The following CTNNA3 variants were observed in gnomAD, a reference collection of about 807,000 sequenced individuals.
CTNNA3 encodes the protein catenin alpha-3.
A neutral mutation model predicts 95.7 loss-of-function variants in CTNNA3; 76 were observed. That is an observed-to-expected ratio of 0.79 (90% confidence interval 0.66 to 0.96). CTNNA3 has a LOEUF of 0.96. CTNNA3 is among the 40% of genes least tolerant of loss of function. The pLI, the probability that CTNNA3 is intolerant of heterozygous loss-of-function variation, is 0.00. For synonymous variants in CTNNA3, 431 were observed against 374.4 expected (o/e 1.15, Z -1.74); for missense variants, 1,191 against 1,089.8 (o/e 1.09, Z -1.31).
intron 10 of CTNNA3, among the ~76,000 whole-genome samples, chr10:66,596,878 A>G (rs760102681): frequency 6.6e-6 from 1 of 152,132 alleles, no homozygotes; most frequent in Non-Finnish European, 1.5e-5. Flanking sequence ...ATTCAAAATA[A>G]TTGTTTTAAA....
In CTNNA3 at chr10:66,536,025, C is replaced by G. The variant is rs372825140; in HGVS notation, c.1375-15252G>C. The stretch of plus-strand genomic sequence containing the variant: ...AATCTATGTTGAGATACACAGATAT[C>G]AGAAACAAAATCTGGGGAAGAAAAA... On this transcript the variant is annotated intron_variant, in intron 10 of 17. Transcript: ENST00000433211. Among the ~76,000 whole-genome samples, 55 of 151,752 alleles carry G rather than the reference C, an allele frequency of 3.6e-4. 1 individual carries two copies. In the South Asian group the frequency reaches 0.011, roughly 31 times the overall value.
chr10:67,540,944 G>C (rs371039580), intron 3 of CTNNA3, among the ~76,000 whole-genome samples: 1 of 151,376 alleles, frequency 6.6e-6, no homozygotes, highest in Non-Finnish European at 1.5e-5. Context: ...ATTACTCTTC[G>C]TTTTCTTCTT....
chr10:66,881,688 C>A (rs1253086463), intron 7 of CTNNA3, among the ~76,000 whole-genome samples: 28 of 152,028 alleles, frequency 1.8e-4, no homozygotes, highest in Non-Finnish European at 5.9e-5. Flanking sequence ...CACTGATCAG[C>A]AACTCTCTTT....
At chr10:67,296,934 CAAA>C (rs1210482029) in intron 5 of CTNNA3, among the ~76,000 whole-genome samples, 257 of 17,606 alleles carry the variant, frequency 0.015, no homozygotes, top group Admixed American at 0.026. Context: ...AACGCTGTCT[CAAA>C]AAAAAAAAAA....
At chr10:67,108,082 C>G (rs1163565569) in intron 7 of CTNNA3, among the ~76,000 whole-genome samples, 1 of 152,176 alleles carries the variant, frequency 6.6e-6, no homozygotes, top group African/African-American at 2.4e-5. Flanking sequence ...CAATAGCAAA[C>G]AGACCAGTAC....
intron 1 of CTNNA3, chr10:67,750,592 T>G (rs878962376): frequency 1.3e-6 from 2 of 1,562,938 alleles, no homozygotes; most frequent in African/African-American, 2.7e-5. Flanking sequence ...TGAAGCTGAG[T>G]TATCTGGATG....
At chr10:67,745,102 G>A (rs1417294060) in intron 1 of CTNNA3, among the ~76,000 whole-genome samples, 7 of 152,066 alleles carry the variant, frequency 4.6e-5, no homozygotes, top group East Asian at 1.9e-4. Context: ...TCAGTGTGGC[G>A]ATTCCTCAGG....
intron 9 of CTNNA3, among the ~76,000 whole-genome samples, chr10:66,751,083 T>A: frequency 6.6e-6 from 1 of 151,948 alleles, no homozygotes; most frequent in East Asian, 1.9e-4. Context: ...GCCTGGCCAA[T>A]ATGGTGAAAC....
chr10:67,519,265 T>C (rs116790637), intron 5 of CTNNA3, among the ~76,000 whole-genome samples: 1,595 of 152,146 alleles, frequency 0.01, 31 homozygotes, highest in African/African-American at 0.036. Context: ...AAAAATATCA[T>C]AGAAGGGGAC....
At chr10:66,362,701 A>AG (rs2092685244) in intron 12 of CTNNA3, among the ~76,000 whole-genome samples, 1 of 151,762 alleles carries the variant, frequency 6.6e-6, no homozygotes, top group African/African-American at 2.4e-5. Context: ...CAACAGAGTG[A>AG]GACTACTTCC....
chr10:67,733,120 T>A (rs1841285226), intron 1 of CTNNA3, among the ~76,000 whole-genome samples: 1 of 152,136 alleles, frequency 6.6e-6, no homozygotes, highest in African/African-American at 2.4e-5. Flanking sequence ...ATGGTCAAAA[T>A]CAAATTATGT....
chr10:67,440,108 C>T (rs76196509), intron 5 of CTNNA3, among the ~76,000 whole-genome samples: 2,391 of 152,272 alleles, frequency 0.016, 61 homozygotes, highest in African/African-American at 0.055. Flanking sequence ...GAGCCCACAT[C>T]CCTTAAGGGT....
chr10:67,428,422 T>G (rs954133120), intron 5 of CTNNA3, among the ~76,000 whole-genome samples: 1 of 152,024 alleles, frequency 6.6e-6, no homozygotes, highest in African/African-American at 2.4e-5. Flanking sequence ...ATTAGAGAGA[T>G]GTAAATTAAT....
At chr10:66,985,261 TGTTATA>T (rs1213955499) in intron 7 of CTNNA3, among the ~76,000 whole-genome samples, 2 of 152,224 alleles carry the variant, frequency 1.3e-5, no homozygotes, top group Non-Finnish European at 2.9e-5. Context: ...GATTATTTAT[TGTTATA>T]AAGTTTAACA....
chr10:66,477,061 T>G (rs1365628953), intron 11 of CTNNA3, among the ~76,000 whole-genome samples: 1 of 152,174 alleles, frequency 6.6e-6, no homozygotes, highest in Non-Finnish European at 1.5e-5. Flanking sequence ...AGATAACTTT[T>G]TGTTGATTTT....
chr10:67,467,464 G>A (rs1847640283), intron 5 of CTNNA3, among the ~76,000 whole-genome samples: 1 of 147,740 alleles, frequency 6.8e-6, no homozygotes, highest in African/African-American at 2.5e-5. Flanking sequence ...TTCAAATATT[G>A]CTTTTTTTAA....
At chr10:67,551,625 T>C (rs1469648177) in intron 3 of CTNNA3, among the ~76,000 whole-genome samples, 1 of 152,158 alleles carries the variant, frequency 6.6e-6, no homozygotes, top group Non-Finnish European at 1.5e-5. Context: ...GCTGTAAACA[T>C]TCGCCCCTAG....
intron 10 of CTNNA3, among the ~76,000 whole-genome samples, chr10:66,524,922 G>A (rs1171979752): frequency 1.3e-5 from 2 of 152,060 alleles, no homozygotes; most frequent in Non-Finnish European, 2.9e-5. Context: ...GGTGGTGCAT[G>A]CCTGTAATCC....
At chr10:66,982,706 T>C (rs1241619063) in intron 7 of CTNNA3, among the ~76,000 whole-genome samples, 1 of 152,094 alleles carries the variant, frequency 6.6e-6, no homozygotes, top group Non-Finnish European at 1.5e-5. Flanking sequence ...TGGCAAAAGA[T>C]AAGCTAAGTA....
Sources: allele counts gnomAD v4.1 joint callset (sites outside exome capture counted in the v4.1 genomes callset), GRCh38; gene constraint gnomAD v4.1.1; transcripts MANE v1.5; gene names NCBI Gene and HGNC (gene_info 2026-07-23, HGNC 2026-07-21).